The following FAM162A variants were observed in gnomAD, a reference collection of about 807,000 sequenced individuals.
FAM162A encodes protein FAM162A.
In FAM162A, 23 loss-of-function variants were observed where a neutral mutation model predicts 21.8. The ratio of observed to expected loss-of-function variants is 1.05; its 90% CI spans 0.76 to 1.49. The LOEUF is 1.49. FAM162A is among the 40% of genes most tolerant of loss of function. The pLI, the probability that FAM162A is intolerant of heterozygous loss-of-function variation, is 0.00. For missense variants in FAM162A, 165 were observed against 186.4 expected, an observed-to-expected ratio of 0.89 and a Z score of 0.67; for synonymous variants, 53 against 61.3, an observed-to-expected ratio of 0.86 and a Z score of 0.64.
At chr3:122,408,104 A>G (rs1221115402) in intron 4 of FAM162A, 3 of 152,164 alleles carry the variant, frequency 2.0e-5, no homozygotes, top group African/African-American at 7.2e-5. Flanking sequence ...ACCTAGACCC[A>G]ATTCAGGTAA....
chr3:122,390,235 A>T (rs988884286), intron 1 of FAM162A, among the ~76,000 whole-genome samples: 3 of 152,332 alleles, frequency 2.0e-5, no homozygotes, highest in South Asian at 4.1e-4. Context: ...TTGGTACGAC[A>T]TCCCTCAGCA....
chr3:122,393,099 T>C (rs1403579252), intron 1 of FAM162A, among the ~76,000 whole-genome samples: 1 of 152,202 alleles, frequency 6.6e-6, no homozygotes, highest in African/African-American at 2.4e-5. Context: ...TGATGTTGTG[T>C]TTGCCAGATC....
rs577941853 is a variant in FAM162A at position 122,395,147 on chromosome 3, C to G, written c.35-7613C>G. On this transcript the variant is annotated intron_variant, in intron 1 of 4. Transcript: ENST00000477892. ...CTGATAAAGGGCATTAAATGAAAAA[C>G]CCACAACTAACATCGGACTTAATGG... Among the ~76,000 whole-genome samples the G allele has an allele frequency of 4.6e-5, 7 of 152,236 alleles. No homozygotes were observed. In the South Asian group the frequency reaches 1.4e-3, roughly 32 times the overall value.
At chr3:122,394,416 A>C (rs541726386) in intron 1 of FAM162A, among the ~76,000 whole-genome samples, 1 of 152,322 alleles carries the variant, frequency 6.6e-6, no homozygotes, top group Middle Eastern at 3.4e-3. Context: ...ACTTAAAGGC[A>C]TTTATTAGTC....
Position 122,407,312 on chromosome 3 carries a change from A to G in FAM162A, c.295A>G (p.Met99Val). 1 of 1,614,134 alleles carries G rather than the reference A, an allele frequency of 6.2e-7. No homozygotes were observed. The highest frequency in any genetic ancestry group is 1.1e-5 in the South Asian group (1 of 91,086). Residue 99 changes from methionine (M) to valine (V), a missense_variant, in exon 4 of 5, where the codon ATG becomes GTG. Transcript: ENST00000477892. ...LEMLDAAKNKMRVKISYLMIA... is the reference protein window; with the variant it reads ...LEMLDAAKNKVRVKISYLMIA... ...GATGCTTGATGCTGCAAAGAACAAG[A>G]TGCGAGTGAAGATCAGCTATCTAAT...
chr3:122,395,792 CTT>C (rs1459821188), intron 1 of FAM162A, among the ~76,000 whole-genome samples: 1 of 152,136 alleles, frequency 6.6e-6, no homozygotes, highest in Non-Finnish European at 1.5e-5. Flanking sequence ...TGATTAAAAA[CTT>C]AACTACAAAG....
Position 122,409,746 on chromosome 3 carries a change from A to G in FAM162A, c.380A>G (p.Gln127Arg), listed in dbSNP as rs752035060. 3 of 1,613,980 alleles carry G rather than the reference A, an allele frequency of 1.9e-6. No homozygotes were observed. Among genetic ancestry groups the G allele is most frequent in the African/African-American group, 1.3e-5 (1 of 74,920 alleles). ...FMVIEGKKAAQRHETLTSLNL... is the reference protein window; with the variant it reads ...FMVIEGKKAARRHETLTSLNL... ...AAATCTGTTTTGCTTTAGGCTGCCCAAAGACACGAGACTTTAACAAGCTTG... is the reference window on the plus strand; with the variant it reads ...AAATCTGTTTTGCTTTAGGCTGCCCGAAGACACGAGACTTTAACAAGCTTG... Residue 127 changes from glutamine (Q) to arginine (R), a missense_variant, in exon 5 of 5, where the codon CAA (glutamine) becomes CGA (arginine). Coordinates refer to ENST00000477892, the MANE Select transcript of FAM162A (RefSeq NM_014367.4).
At chr3:122,409,709 A>G (rs749438087) in intron 4 of FAM162A, 30 bp from the exon 5 acceptor site, 2 of 1,602,212 alleles carry the variant, frequency 1.2e-6, no homozygotes, top group Non-Finnish European at 1.7e-6. Context: ...CCAGCATACA[A>G]ATCACCTGTT....
At chr3:122,388,959 G>A (rs1348872447) in intron 1 of FAM162A, among the ~76,000 whole-genome samples, 2 of 151,972 alleles carry the variant, frequency 1.3e-5, no homozygotes, top group Non-Finnish European at 2.9e-5. Flanking sequence ...TGAGGCAGGA[G>A]AATGGCGTGA....
At chr3:122,402,714 C>G in intron 1 of FAM162A, 46 bp from the exon 2 acceptor site, 1 of 1,308,168 alleles carries the variant, frequency 7.6e-7, no homozygotes, top group Non-Finnish European at 1.0e-6. Flanking sequence ...GAAAACATCA[C>G]ATTTTCTTTC....
intron 1 of FAM162A, among the ~76,000 whole-genome samples, chr3:122,395,827 G>T (rs1164048183): frequency 6.6e-6 from 1 of 152,146 alleles, no homozygotes; most frequent in Admixed American, 6.5e-5. Context: ...AGACAGTGTG[G>T]TGCTGGCATA....
At chr3:122,401,085 A>G (rs760763150) in intron 1 of FAM162A, among the ~76,000 whole-genome samples, 1 of 152,168 alleles carries the variant, frequency 6.6e-6, no homozygotes, top group Non-Finnish European at 1.5e-5. Context: ...GTTGAGTAAT[A>G]ACTGTAATGC....
chr3:122,384,255 A>G lies in FAM162A; in HGVS notation c.-11A>G, dbSNP rs2075561614. 2 of 1,571,178 alleles carry G rather than the reference A, an allele frequency of 1.3e-6. No individual in the cohort carries two copies. The highest frequency in any genetic ancestry group is 1.7e-6 in the Non-Finnish European group (2 of 1,158,614). ...GAAGTTCTGCGCTGGTCGGCGGAGT[A>G]GCAAGTGGCCATGGGGAGCCTCAGC... is the stretch of plus-strand genomic sequence containing the variant. On this transcript the variant is annotated 5_prime_UTR_variant, in exon 1 of 5. Coordinates refer to ENST00000477892, the MANE Select transcript of FAM162A (RefSeq NM_014367.4).
intron 1 of FAM162A, among the ~76,000 whole-genome samples, chr3:122,390,062 C>T (rs1420464971): frequency 1.3e-5 from 2 of 152,122 alleles, no homozygotes; most frequent in South Asian, 2.1e-4. Flanking sequence ...CGCTTGAGCC[C>T]GGTTCAAAGT....
At chr3:122,406,997 AT>A (rs11459889) in intron 3 of FAM162A, among the ~76,000 whole-genome samples, 59 of 146,060 alleles carry the variant, frequency 4.0e-4, no homozygotes, top group Admixed American at 6.8e-4. Context: ...TGCCTTGCCC[AT>A]TTTTTTTTTT....
chr3:122,409,177 C>G (rs1052523511), intron 4 of FAM162A, among the ~76,000 whole-genome samples: 1 of 152,056 alleles, frequency 6.6e-6, no homozygotes, highest in Admixed American at 6.6e-5. Flanking sequence ...TGGAGGGAAA[C>G]AAGGGAAGAG....
chr3:122,407,385 A>G lies in FAM162A; in HGVS notation c.368A>G (p.Lys123Arg), dbSNP rs1306312023. 1.3e-5 allele frequency: 21 copies of G among 1,610,710 alleles called. No homozygotes were observed. The highest frequency in any genetic ancestry group is 1.8e-5 in the Non-Finnish European group (21 of 1,176,960). Residue 123 changes from lysine (K) to arginine (R), a missense_variant, in exon 4 of 5, where the codon AAG becomes AGG. By Grantham distance (26) the Lys-to-Arg change is conservative. Transcript: ENST00000477892. Reference sequence around the variant, plus strand: ...TGCATCTTCATGGTTATTGAGGGCAAGAAGGTGAGAAGGGGTTTCTTCTCT... The same window carrying G: ...TGCATCTTCATGGTTATTGAGGGCAGGAAGGTGAGAAGGGGTTTCTTCTCT... ...VGCIFMVIEG[K>R]KAAQRHETLT...
intron 1 of FAM162A, among the ~76,000 whole-genome samples, chr3:122,386,315 G>A (rs2075574268): frequency 6.6e-6 from 1 of 152,178 alleles, no homozygotes; most frequent in Non-Finnish European, 1.5e-5. Flanking sequence ...TTGGGAGGCT[G>A]ATACTGGAGG....
intron 1 of FAM162A, among the ~76,000 whole-genome samples, chr3:122,398,441 A>G (rs181875231): frequency 1.8e-4 from 28 of 152,368 alleles, no homozygotes; most frequent in Admixed American, 1.6e-3. Context: ...GACAGACACA[A>G]TACCACCTAT....
Sources: allele counts gnomAD v4.1 joint callset (sites outside exome capture counted in the v4.1 genomes callset), GRCh38; gene constraint gnomAD v4.1.1; transcripts MANE v1.5; gene names NCBI Gene and HGNC (gene_info 2026-07-23, HGNC 2026-07-21).